Variants in GCLC observed in about 807,000 individuals in gnomAD.
GCLC encodes glutamate--cysteine ligase catalytic subunit.
GCLC carries 30 observed loss-of-function variants against 81.5 expected under a neutral mutation model. That is an observed-to-expected ratio of 0.37 (90% CI 0.28 to 0.50). GCLC has a LOEUF of 0.50. Ranked by LOEUF, GCLC falls within the 20% of genes least tolerant of loss-of-function variation. The pLI, the probability that GCLC is intolerant of heterozygous loss-of-function variation, is 0.96. For synonymous variants in GCLC, 262 were observed against 273.3 expected (o/e 0.96, Z 0.41); for missense variants, 556 against 777.4 (o/e 0.72, Z 3.39).
At chr6:53,504,195 T>A (rs184608983) in intron 12 of GCLC, among the ~76,000 whole-genome samples, 8 of 148,022 alleles carry the variant, frequency 5.4e-5, no homozygotes, top group Non-Finnish European at 8.9e-5. Flanking sequence ...AAGTATTTTT[T>A]AAAAAATAGT....
Position 53,514,310 on chromosome 6 carries a change from G to A in GCLC, c.647C>T (p.Pro216Leu). The A allele has an allele frequency of 6.3e-7, 1 of 1,595,268 alleles. No homozygotes were observed. The highest frequency in any genetic ancestry group is 8.6e-7 in the Non-Finnish European group (1 of 1,162,806). ...ATCCTCAGTAAATGTTTCTATAAAT[G>A]GAGATGGTGTATTCTTGTCCTTAAA... Reference protein sequence around the residue: ...PIFKDKNTPSPFIETFTEDDE... With the variant: ...PIFKDKNTPSLFIETFTEDDE... The change falls in exon 6 of 16, where the codon CCA (proline) becomes CTA (leucine). Residue 216 changes from proline (P) to leucine (L), a missense_variant. Pro to Leu is a moderately conservative substitution (Grantham distance 98). Around this residue, in one of 3 missense-constraint regions of GCLC, gnomAD observed 234 missense variants for 303.8 expected, o/e 0.77. Coordinates refer to ENST00000650454, the MANE Select transcript of GCLC (RefSeq NM_001498.4).
Position 53,509,171 on chromosome 6 carries a change from C to T in GCLC, c.828+5G>A. 6.5e-7 allele frequency: 1 copy of T among 1,527,040 alleles called. No individual in the cohort carries two copies. The allele number at this position is 1,527,040 out of a possible 1,614,324, so 94.6% of individuals were successfully genotyped here. A position where few individuals can be genotyped will look rare whatever the true frequency, so the allele number is the denominator to read the frequency against. ...TATTTAAAATAAGAGGTAATTTCTA[C>T]TTACAACAATTGGACAGATAGTAGC... On this transcript the variant is annotated splice_donor_5th_base_variant and intron_variant, in intron 7 of 15. Coordinates refer to ENST00000650454, the MANE Select transcript of GCLC (RefSeq NM_001498.4).
intron 12 of GCLC, chr6:53,501,262 T>C (rs893472548): frequency 2.6e-5 from 4 of 154,200 alleles, no homozygotes; most frequent in African/African-American, 9.7e-5. Context: ...CCCTGCTGCC[T>C]CGCCATTGGG....
At chr6:53,508,899 A>C (rs771949937) in intron 7 of GCLC, among the ~76,000 whole-genome samples, 188 bp from the exon 8 acceptor site, 1 of 152,232 alleles carries the variant, frequency 6.6e-6, no homozygotes, top group Non-Finnish European at 1.5e-5. Flanking sequence ...GATTCACTTA[A>C]ATCATCCTCT....
In GCLC at chr6:53,520,909, T is replaced by C. The variant is rs1185150898; in HGVS notation, c.315A>G (p.Thr105=). 9 of 1,613,900 alleles carry C rather than the reference T, an allele frequency of 5.6e-6. No individual in the cohort carries two copies. Among genetic ancestry groups the C allele is most frequent in the African/African-American group, 1.3e-5 (1 of 74,916 alleles). ...PEYGSYMIEG[T]PGQPYGGTMS... ...TTGTTCCTCCGTAGGGCTGTCCTGGTGTCCCTTCAATCATGTAACTCCCAT... is the reference window on the plus strand; with the variant it reads ...TTGTTCCTCCGTAGGGCTGTCCTGGCGTCCCTTCAATCATGTAACTCCCAT... Residue 105 remains threonine, a synonymous_variant, in exon 3 of 16, where the codon ACA becomes ACG. Coordinates refer to ENST00000650454, the MANE Select transcript of GCLC (RefSeq NM_001498.4).
At chr6:53,512,175 C>A (rs756080545) in intron 6 of GCLC, among the ~76,000 whole-genome samples, 9 of 151,866 alleles carry the variant, frequency 5.9e-5, no homozygotes, top group African/African-American at 2.2e-4. Flanking sequence ...AAACTCCTGA[C>A]CTCAAGTGAT....
chr6:53,535,352 TA>T (rs1763240601), intron 1 of GCLC, among the ~76,000 whole-genome samples: 1 of 151,910 alleles, frequency 6.6e-6, no homozygotes, highest in Non-Finnish European at 1.5e-5. Context: ...TCACCTCTAC[TA>T]AAAACACAAA....
chr6:53,499,113 C>A, intron 15 of GCLC, 146 bp from the exon 16 acceptor site: 1 of 667,514 alleles, frequency 1.5e-6, no homozygotes, highest in East Asian at 2.7e-5. Flanking sequence ...GGGGTGGGAA[C>A]ATCTTTCATA....
At chr6:53,524,291 G>C (rs12524628) in intron 1 of GCLC, among the ~76,000 whole-genome samples, 2,191 of 152,286 alleles carry the variant, frequency 0.014, 24 homozygotes, top group Middle Eastern at 0.085. Context: ...AGCCCCGTCT[G>C]GCCTCAAGGC....
chr6:53,514,385 AAAC>A (rs1764821664), intron 5 of GCLC, 48 bp from the exon 6 acceptor site: 6 of 1,590,824 alleles, frequency 3.8e-6, no homozygotes, highest in Non-Finnish European at 4.3e-6. Flanking sequence ...ATCCAGGATT[AAAC>A]AACAATACAA....
In GCLC at chr6:53,520,968, G is replaced by A. The variant is rs1227041833; in HGVS notation, c.264-8C>T. 5 of 1,607,118 alleles carry A rather than the reference G, an allele frequency of 3.1e-6. No individual in the cohort carries two copies. The highest frequency in any genetic ancestry group is 4.3e-6 in the Non-Finnish European group (5 of 1,173,554). The stretch of plus-strand genomic sequence containing the variant: ...CTCCAAAGGGTAGGATGGCTACGGA[G>A]GAGAAATAACTTAGTTCCATCTTAT... On this transcript the variant is annotated splice_region_variant and splice_polypyrimidine_tract_variant and intron_variant, in intron 2 of 15. Transcript: ENST00000650454.
Position 53,498,614 on chromosome 6 carries a change from A to T in GCLC, c.*142T>A. 1 of 695,500 alleles carries T rather than the reference A, an allele frequency of 1.4e-6. No individual in the cohort carries two copies. Among genetic ancestry groups the T allele is most frequent in the Admixed American group, 2.1e-5 (1 of 47,486 alleles). 43.1% of individuals were successfully genotyped at this position (695,500 alleles called of 1,614,324 possible). A position where few individuals can be genotyped will look rare whatever the true frequency, so the allele number is the denominator to read the frequency against. On this transcript the variant is annotated 3_prime_UTR_variant, in exon 16 of 16. Transcript: ENST00000650454. ...AACTCTAGATTTACCTACCAAAGAA[A>T]GCCTTAATCAATTTCTGGCTCACTG...
chr6:53,500,476 G>T lies in GCLC; in HGVS notation c.1433C>A (p.Ala478Asp). 6.2e-7 allele frequency: 1 copy of T among 1,611,906 alleles called. No homozygotes were observed. The highest frequency in any genetic ancestry group is 8.5e-7 in the Non-Finnish European group (1 of 1,178,082). The change falls in exon 13 of 16, where the codon GCT (alanine) becomes GAT (aspartate). Residue 478 changes from alanine (A) to aspartate (D), a missense_variant. Physicochemically the swap from Ala to Asp is moderately radical, Grantham distance 126 (BLOSUM62 -2). Around this residue, in one of 3 missense-constraint regions of GCLC, gnomAD observed 313 missense variants for 437.3 expected, o/e 0.72. Coordinates refer to ENST00000650454, the MANE Select transcript of GCLC (RefSeq NM_001498.4). Reference protein sequence around the residue: ...ENMKVAQKRDAVLQGMFYFRK... With the variant: ...ENMKVAQKRDDVLQGMFYFRK... ...GAAATAAAACATTCCCTGCAAGACA[G>T]CATCTCTTTTCTGTGCTACCTTCAT...
intron 6 of GCLC, among the ~76,000 whole-genome samples, chr6:53,511,831 T>C (rs1764751865): frequency 8.2e-6 from 1 of 122,334 alleles, no homozygotes; most frequent in African/African-American, 3.2e-5. Context: ...CTAAGGAACA[T>C]ATATGTTAGA....
chr6:53,518,968 C>T (rs917988871), intron 3 of GCLC, among the ~76,000 whole-genome samples: 2 of 152,256 alleles, frequency 1.3e-5, no homozygotes, highest in Non-Finnish European at 2.9e-5. Flanking sequence ...TTTTAAACCA[C>T]CCACTTTTCC....
intron 1 of GCLC, among the ~76,000 whole-genome samples, chr6:53,540,318 G>C (rs1763330197): frequency 8.5e-6 from 1 of 118,166 alleles, no homozygotes; most frequent in South Asian, 3.0e-4. Flanking sequence ...ATATTATTCA[G>C]CCTCAAAAAA....
rs531030852 is a variant in GCLC, at chr6:53,527,027, C to T, written c.151-4500G>A. 7.2e-5 allele frequency among the ~76,000 whole-genome samples: 11 copies of T among 152,282 alleles called. No homozygotes were observed. The South Asian group carries it at 2.3e-3, about 32-fold the overall frequency. The stretch of plus-strand genomic sequence containing the variant: ...TTCCCTCTCAAACTATTTAACCCAT[C>T]ATATGCTTGACCTCTGAAGAGAAGA... On this transcript the variant is annotated intron_variant, in intron 1 of 15. Transcript: ENST00000650454.
rs780427752 is a variant in GCLC at position 53,514,286 on chromosome 6, T to C, written c.671A>G (p.Asp224Gly). 19 of 1,604,298 alleles carry C rather than the reference T, an allele frequency of 1.2e-5. No individual in the cohort carries two copies. The highest frequency in any genetic ancestry group is 1.6e-5 in the Non-Finnish European group (19 of 1,171,202). Residue 224 changes from aspartate to glycine, a missense_variant, in exon 6 of 16, where the codon GAT (aspartate) becomes GGT (glycine). By Grantham distance (94) the Asp-to-Gly change is moderately conservative. Transcript: ENST00000650454. Reference sequence around the variant, plus strand: ...CTTAGAAGCCCTTGAAGCTTCATCATCCTCAGTAAATGTTTCTATAAATGG... The same window carrying C: ...CTTAGAAGCCCTTGAAGCTTCATCACCCTCAGTAAATGTTTCTATAAATGG... ...PSPFIETFTE[D>G]DEASRASKPD...
chr6:53,502,818 A>C (rs1764538577), intron 12 of GCLC, among the ~76,000 whole-genome samples: 1 of 152,234 alleles, frequency 6.6e-6, no homozygotes, highest in East Asian at 1.9e-4. Context: ...CTATTGTTTC[A>C]TCACTCCCCT....
Sources: allele counts gnomAD v4.1 joint callset (sites outside exome capture counted in the v4.1 genomes callset), GRCh38; gene constraint gnomAD v4.1.1; regional missense constraint gnomAD v4.1.1; transcripts MANE v1.5; gene names NCBI Gene and HGNC (gene_info 2026-07-23, HGNC 2026-07-21).